The following MYH16 variants were observed in gnomAD, a reference collection of about 807,000 sequenced individuals.
MYH16 encodes putative uncharacterized protein MYH16.
exon 34 of MYH16, chr7:99,296,768 A>C: frequency 2.2e-6 from 1 of 456,716 alleles, no homozygotes; most frequent in Middle Eastern, 3.6e-4. Flanking sequence ...GCTGAGTGGC[A>C]GCAGAAGTGT....
chr7:99,264,441 A>T (rs1425916374), intron 15 of MYH16: 1 of 152,456 alleles, frequency 6.6e-6, no homozygotes, highest in Non-Finnish European at 1.5e-5. Context: ...TTTCCTTCTG[A>T]AGAGGCCACA....
chr7:99,302,315 TATACAC>T (rs1476972178), intron 38 of MYH16, among the ~76,000 whole-genome samples: 45 of 77,984 alleles, frequency 5.8e-4, no homozygotes, highest in Non-Finnish European at 8.0e-4. Context: ...AAAAAAAATA[TATACAC>T]ACACACACAC....
intron 1 of MYH16, among the ~76,000 whole-genome samples, chr7:99,239,627 T>C (rs545297373): frequency 6.6e-6 from 1 of 152,318 alleles, no homozygotes; most frequent in South Asian, 2.1e-4. Flanking sequence ...ACCTGGCTTA[T>C]CGTGGATTGC....
At chr7:99,291,177 G>A in intron 30 of MYH16, 146 bp from the exon 12 acceptor site, 1 of 341,204 alleles carries the variant, frequency 2.9e-6, no homozygotes, top group African/African-American at 2.2e-5. Flanking sequence ...GGCTAGAGTG[G>A]TGATCTACTG....
chr7:99,249,094 G>T (rs1791776326), intron 4 of MYH16: 1 of 152,606 alleles, frequency 6.6e-6, no homozygotes, highest in African/African-American at 2.4e-5. Flanking sequence ...AGCCTTCTTA[G>T]AATTAATTGC....
chr7:99,245,149 T>A (rs1014624257), intron 2 of MYH16, among the ~76,000 whole-genome samples: 1 of 152,248 alleles, frequency 6.6e-6, no homozygotes, highest in African/African-American at 2.4e-5. Flanking sequence ...ACTCCATGGC[T>A]GGTGTCCCAG....
intron 39 of MYH16, among the ~76,000 whole-genome samples, chr7:99,303,684 C>T (rs1317308485): frequency 1.3e-5 from 2 of 152,204 alleles, no homozygotes; most frequent in South Asian, 2.1e-4. Context: ...TGCCTGTAGT[C>T]CCAGCTACTC....
intron 17 of MYH16, among the ~76,000 whole-genome samples, chr7:99,266,039 C>T (rs1490263410): frequency 6.6e-6 from 1 of 152,224 alleles, no homozygotes; most frequent in Admixed American, 6.5e-5. Context: ...CTCCCTCACC[C>T]TTCTGGTGGC....
At chr7:99,248,452 G>A (rs999281061) in intron 3 of MYH16, among the ~76,000 whole-genome samples, 1 of 152,196 alleles carries the variant, frequency 6.6e-6, no homozygotes, top group African/African-American at 2.4e-5. Context: ...CTGGAGTGCA[G>A]TGGTGCAATC....
intron 40 of MYH16, 60 bp from the exon 22 acceptor site, chr7:99,305,776 G>GAAAAACA (rs757160289): frequency 6.5e-6 from 1 of 152,764 alleles, no homozygotes; most frequent in Non-Finnish European, 1.5e-5. Flanking sequence ...GACCCTGTCA[G>GAAAAACA]AAAAACAAAA....
At chr7:99,264,048 C>G (rs1791964591) in intron 14 of MYH16, among the ~76,000 whole-genome samples, 2 of 152,228 alleles carry the variant, frequency 1.3e-5, no homozygotes, top group Non-Finnish European at 2.9e-5. Context: ...CACAGCAACT[C>G]TTTTGAGAAT....
At chr7:99,249,648 T>C (rs1429902993) in intron 4 of MYH16, among the ~76,000 whole-genome samples, 2 of 134,442 alleles carry the variant, frequency 1.5e-5, no homozygotes, top group East Asian at 2.6e-4. Context: ...CTCCACCTCC[T>C]GGGTTCAAGC....
intron 18 of MYH16, among the ~76,000 whole-genome samples, chr7:99,270,595 G>A (rs1792035333): frequency 6.6e-6 from 1 of 151,536 alleles, no homozygotes; most frequent in Admixed American, 6.6e-5. Flanking sequence ...GGGATTACAG[G>A]CATGAGCCAC....
At chr7:99,276,240 A>G (rs1401200401) in intron 20 of MYH16, among the ~76,000 whole-genome samples, 1 of 152,218 alleles carries the variant, frequency 6.6e-6, no homozygotes, top group African/African-American at 2.4e-5. Flanking sequence ...CAGATTCTCA[A>G]CAGCCAGGCT....
At chr7:99,302,044 C>T (rs1445663555) in intron 38 of MYH16, among the ~76,000 whole-genome samples, 1 of 151,988 alleles carries the variant, frequency 6.6e-6, no homozygotes, top group Non-Finnish European at 1.5e-5. Context: ...TGGCTCATGC[C>T]TATAATCCCA....
chr7:99,258,481 CTT>C (rs1461430001), intron 11 of MYH16: 1 of 152,586 alleles, frequency 6.6e-6, no homozygotes, highest in East Asian at 1.9e-4. Flanking sequence ...ATAAAGTTCT[CTT>C]GTTTCTCACC....
chr7:99,247,172 C>T (rs191358469), intron 2 of MYH16, among the ~76,000 whole-genome samples: 111 of 152,226 alleles, frequency 7.3e-4, no homozygotes, highest in Middle Eastern at 6.8e-3. Context: ...GGCTGGGTTT[C>T]GTTGTTTTTG....
chr7:99,300,917 A>G (rs6962328), intron 37 of MYH16, among the ~76,000 whole-genome samples: 19,591 of 152,096 alleles, frequency 0.13, 3,536 homozygotes, highest in African/African-American at 0.4. Flanking sequence ...AGGACAGGCC[A>G]GGCGCAGTAG....
intron 39 of MYH16, among the ~76,000 whole-genome samples, chr7:99,303,733 T>C: frequency 6.6e-6 from 1 of 152,172 alleles, no homozygotes; most frequent in African/African-American, 2.4e-5. Context: ...ACCCAGGAGT[T>C]TGAGGTTGCA....
Sources: allele counts gnomAD v4.1 joint callset (sites outside exome capture counted in the v4.1 genomes callset), GRCh38; gene constraint gnomAD v4.1.1; transcripts MANE v1.5; gene names NCBI Gene and HGNC (gene_info 2026-07-23, HGNC 2026-07-21).